The following CDC25C variants were observed in gnomAD, a reference collection of about 807,000 sequenced individuals.
CDC25C encodes cell division cycle 25C, also known as M-phase inducer phosphatase 3.
CDC25C carries 48 observed loss-of-function variants against 52.5 expected under a neutral mutation model. The ratio of observed to expected loss-of-function variants is 0.91; its 90% CI spans 0.72 to 1.16. The LOEUF (loss-of-function observed/expected upper bound fraction) is 1.16, where lower values mean the gene tolerates loss of function less well. Ranked by LOEUF, CDC25C falls within the 50% of genes most tolerant of loss-of-function variation. The probability of loss-of-function intolerance (pLI) is 0.00; values close to 1 mark genes in which losing one functional copy is unlikely to be tolerated. For missense variants in CDC25C, 510 were observed against 566.1 expected, an observed-to-expected ratio of 0.90 and a Z score of 1.01; for synonymous variants, 187 against 206.5, an observed-to-expected ratio of 0.91 and a Z score of 0.81.
chr5:138,287,871 T>C (rs771510522), intron 10 of CDC25C, among the ~76,000 whole-genome samples: 4 of 152,202 alleles, frequency 2.6e-5, no homozygotes, highest in Non-Finnish European at 4.4e-5. Context: ...ATTATATTCA[T>C]CTCAGCATTG....
chr5:138,298,490 A>G (rs1351955750), intron 7 of CDC25C, among the ~76,000 whole-genome samples: 2 of 152,018 alleles, frequency 1.3e-5, no homozygotes, highest in Non-Finnish European at 2.9e-5. Flanking sequence ...AGTGGCTCAA[A>G]CCTGTAATCC....
At chr5:138,310,671 T>C (rs1028100596) in intron 7 of CDC25C, among the ~76,000 whole-genome samples, 2 of 152,202 alleles carry the variant, frequency 1.3e-5, no homozygotes. Context: ...CACAAGGAGA[T>C]CATATGACTC....
upstream of CDC25C, chr5:138,331,953 T>C: frequency 1.0e-6 from 1 of 961,760 alleles, no homozygotes; most frequent in Non-Finnish European, 1.2e-6. Context: ...TGGGGGCGTG[T>C]GCTTGCTCTG....
chr5:138,306,979 G>A (rs975831877), intron 7 of CDC25C, among the ~76,000 whole-genome samples: 1 of 150,920 alleles, frequency 6.6e-6, no homozygotes, highest in Admixed American at 6.6e-5. Context: ...TAGTAGCTGG[G>A]ATTACAGGTG....
intron 6 of CDC25C, among the ~76,000 whole-genome samples, chr5:138,319,649 T>C (rs1561709530): frequency 1.3e-5 from 2 of 152,192 alleles, no homozygotes; most frequent in African/African-American, 4.8e-5. Flanking sequence ...GTCTTATATT[T>C]GATGAGAGAT....
intron 1 of CDC25C, chr5:138,337,947 T>G: frequency 7.8e-7 from 1 of 1,288,658 alleles, no homozygotes; most frequent in South Asian, 1.2e-5. Flanking sequence ...GGGCGATGCC[T>G]TTGTTTACCT....
intron 7 of CDC25C, among the ~76,000 whole-genome samples, chr5:138,315,678 T>C (rs1758819382): frequency 1.3e-5 from 2 of 152,244 alleles, no homozygotes; most frequent in African/African-American, 2.4e-5. Flanking sequence ...AGTTGTTTTA[T>C]CATGCTCTCC....
At chr5:138,302,520 A>C (rs1161566774) in intron 7 of CDC25C, among the ~76,000 whole-genome samples, 1 of 150,450 alleles carries the variant, frequency 6.6e-6, no homozygotes, top group Non-Finnish European at 1.5e-5. Flanking sequence ...ACCAACATAG[A>C]GAAACCCCGT....
At chr5:138,287,523 T>C (rs1022181597) in intron 10 of CDC25C, among the ~76,000 whole-genome samples, 3 of 152,180 alleles carry the variant, frequency 2.0e-5, no homozygotes, top group African/African-American at 7.2e-5. Context: ...AGGCTACCCA[T>C]CTGGGGATAG....
intron 9 of CDC25C, 82 bp downstream of exon 9, chr5:138,290,557 A>T: frequency 1.2e-6 from 1 of 806,128 alleles, no homozygotes; most frequent in Non-Finnish European, 2.2e-6. Context: ...ATGCATATTT[A>T]CACCAGGCAT....
At chr5:138,323,746 G>T (rs1759620677) in intron 6 of CDC25C, among the ~76,000 whole-genome samples, 1 of 151,920 alleles carries the variant, frequency 6.6e-6, no homozygotes, top group Admixed American at 6.6e-5. Flanking sequence ...GGATCACAAG[G>T]TCAGGAGTTC....
chr5:138,303,634 T>C (rs1390113815), intron 7 of CDC25C, among the ~76,000 whole-genome samples: 3 of 152,190 alleles, frequency 2.0e-5, no homozygotes, highest in Non-Finnish European at 4.4e-5. Context: ...CTCTTTCAGA[T>C]GTCTGCTCAA....
chr5:138,316,181 C>T (rs980278023), intron 7 of CDC25C, among the ~76,000 whole-genome samples: 39 of 152,308 alleles, frequency 2.6e-4, no homozygotes, highest in Middle Eastern at 3.4e-3. Context: ...AGCCTGCACC[C>T]TTGGGGGCCC....
chr5:138,311,235 C>T (rs992887042), intron 7 of CDC25C, among the ~76,000 whole-genome samples: 3 of 152,170 alleles, frequency 2.0e-5, no homozygotes, highest in African/African-American at 7.2e-5. Flanking sequence ...ATACCATATA[C>T]ACACATTAAC....
chr5:138,296,208 C>A (rs1438367188), intron 7 of CDC25C, among the ~76,000 whole-genome samples: 1 of 151,940 alleles, frequency 6.6e-6, no homozygotes, highest in Non-Finnish European at 1.5e-5. Flanking sequence ...TTTAATGGCA[C>A]CTCCTACTCT....
intron 11 of CDC25C, 32 bp downstream of exon 11, chr5:138,287,137 C>G (rs781270224): frequency 2.1e-6 from 3 of 1,439,738 alleles, no homozygotes; most frequent in Admixed American, 3.4e-5. Flanking sequence ...ATCTCCAGCC[C>G]TCCCCTACTA....
chr5:138,297,313 G>C (rs147196535), intron 7 of CDC25C, among the ~76,000 whole-genome samples: 1 of 152,050 alleles, frequency 6.6e-6, no homozygotes, highest in East Asian at 1.9e-4. Context: ...GGCCCACCTC[G>C]GCCTCCCAAA....
intron 2 of CDC25C, among the ~76,000 whole-genome samples, chr5:138,330,414 C>T (rs904271100): frequency 1.3e-5 from 2 of 152,170 alleles, no homozygotes; most frequent in South Asian, 2.1e-4. Flanking sequence ...GTGACCGACT[C>T]GTAATGCAGC....
chr5:138,310,906 T>C (rs1042726373), intron 7 of CDC25C, among the ~76,000 whole-genome samples: 4 of 152,252 alleles, frequency 2.6e-5, no homozygotes, highest in African/African-American at 9.6e-5. Flanking sequence ...TATTCAAGGA[T>C]GATTTGTGAA....
Sources: gnomAD v4.1 joint callset for allele counts (sites outside exome capture counted in the v4.1 genomes callset) on GRCh38, gnomAD v4.1.1 for gene constraint, MANE v1.5 for transcripts, NCBI Gene and HGNC (gene_info 2026-07-23, HGNC 2026-07-21) for gene names.